Variants in DOCK7 observed in about 807,000 individuals in gnomAD.
The protein encoded by DOCK7 is dedicator of cytokinesis 7.
Under a neutral mutation model 271.0 loss-of-function variants are expected in DOCK7, and 138 were observed. The observed-to-expected ratio is 0.51, with a 90% confidence interval of 0.44 to 0.59. DOCK7 has a LOEUF of 0.59. Ranked by LOEUF, DOCK7 falls within the 20% of genes least tolerant of loss-of-function variation. The pLI is 0.00. For synonymous variants in DOCK7, 823 were observed against 876.1 expected (o/e 0.94, Z 1.07); for missense variants, 2,066 against 2,592.4 (o/e 0.80, Z 4.41).
intron 16 of DOCK7, 80 bp from the exon 17 acceptor site, chr1:62,579,046 T>A (rs1273995281): frequency 3.7e-5 from 47 of 1,276,472 alleles, no homozygotes; most frequent in Middle Eastern, 5.9e-4. Context: ...TGAATAATTT[T>A]AAAATTTTAA....
chr1:62,489,088 G>A, intron 41 of DOCK7, 23 bp from the exon 42 acceptor site: 2 of 1,541,956 alleles, frequency 1.3e-6, no homozygotes, highest in Non-Finnish European at 8.7e-7. Context: ...ATTTTGTTAA[G>A]ATGTTGCTTT....
chr1:62,647,780 C>A lies in DOCK7; in HGVS notation c.733-4G>T. 6.3e-7 allele frequency: 1 copy of A among 1,595,680 alleles called. No homozygotes were observed. The highest frequency in any genetic ancestry group is 2.2e-5 in the East Asian group (1 of 44,616). ...TAAGCCGTTCTATTGGTTCTTCCTA[C>A]AAATTGAAAAGCAACACCAAAATGA... is the stretch of plus-strand genomic sequence containing the variant. On this transcript the variant is annotated splice_polypyrimidine_tract_variant and splice_region_variant and intron_variant, in intron 6 of 49. Coordinates refer to ENST00000635253, the MANE Select transcript of DOCK7 (RefSeq NM_001367561.1).
intron 11 of DOCK7, among the ~76,000 whole-genome samples, chr1:62,630,455 C>T (rs74078643): frequency 0.037 from 5,566 of 152,110 alleles, 249 homozygotes; most frequent in African/African-American, 0.11. Context: ...ATAGGGGTCC[C>T]GCACGACAGG....
chr1:62,604,526 A>C, intron 14 of DOCK7: 1 of 1,218,986 alleles, frequency 8.2e-7, no homozygotes, highest in East Asian at 2.4e-5. Context: ...CATGCATCTA[A>C]AACACTGTAA....
At chr1:62,493,549 G>T (rs1646526450) in intron 40 of DOCK7, among the ~76,000 whole-genome samples, 2 of 152,154 alleles carry the variant, frequency 1.3e-5, no homozygotes, top group East Asian at 1.9e-4. Flanking sequence ...AATTATTCTA[G>T]AATTTTAGGA....
chr1:62,509,141 G>T (rs1317625679), intron 34 of DOCK7, among the ~76,000 whole-genome samples: 1 of 151,682 alleles, frequency 6.6e-6, no homozygotes, highest in Admixed American at 6.6e-5. Context: ...GCACAACATG[G>T]CAAAACCCTG....
At chr1:62,664,782 T>TAA (rs10710205) in intron 1 of DOCK7, among the ~76,000 whole-genome samples, 2 of 137,232 alleles carry the variant, frequency 1.5e-5, no homozygotes, top group South Asian at 2.3e-4. Context: ...TCTACTAGTT[T>TAA]AAAAAAAAAA....
chr1:62,632,452 T>C (rs1243157635), intron 10 of DOCK7, among the ~76,000 whole-genome samples: 1 of 152,128 alleles, frequency 6.6e-6, no homozygotes, highest in Non-Finnish European at 1.5e-5. Context: ...TGTGCTCAGA[T>C]CTACAGAAAA....
chr1:62,645,741 T>A (rs552669660), intron 7 of DOCK7, among the ~76,000 whole-genome samples: 1 of 152,316 alleles, frequency 6.6e-6, no homozygotes, highest in Admixed American at 6.5e-5. Context: ...TATACCTCAA[T>A]AAAGCTATTT....
chr1:62,576,083 G>C (rs1646934711), intron 18 of DOCK7, among the ~76,000 whole-genome samples: 1 of 152,106 alleles, frequency 6.6e-6, no homozygotes, highest in African/African-American at 2.4e-5. Context: ...AATCTAATAA[G>C]TATATATTGA....
chr1:62,637,737 T>A (rs1424111204), intron 7 of DOCK7, among the ~76,000 whole-genome samples: 9 of 152,110 alleles, frequency 5.9e-5, no homozygotes, highest in African/African-American at 2.2e-4. Context: ...AACTACAGAG[T>A]GCCATTCCCT....
intron 18 of DOCK7, among the ~76,000 whole-genome samples, chr1:62,571,421 T>C (rs1229131100): frequency 6.6e-6 from 1 of 152,150 alleles, no homozygotes; most frequent in Non-Finnish European, 1.5e-5. Flanking sequence ...GGTGAAGCTG[T>C]AGAGAGATAG....
At chr1:62,485,889 A>C (rs1423110049) in intron 43 of DOCK7, 1 of 161,482 alleles carries the variant, frequency 6.2e-6, no homozygotes, top group Non-Finnish European at 1.3e-5. Context: ...AAAGGTAGTG[A>C]CAAGTATATA....
intron 48 of DOCK7, among the ~76,000 whole-genome samples, chr1:62,465,456 T>C (rs993373117): frequency 6.8e-6 from 1 of 146,878 alleles, no homozygotes; most frequent in Non-Finnish European, 1.5e-5. Context: ...TCTCAAGATA[T>C]ATGAATCCAG....
chr1:62,642,721 TTA>T (rs1346696990), intron 7 of DOCK7, among the ~76,000 whole-genome samples: 7 of 152,186 alleles, frequency 4.6e-5, no homozygotes, highest in African/African-American at 1.7e-4. Flanking sequence ...AGGTTTATCT[TTA>T]TGTTTTTCAA....
At chr1:62,586,676 T>C (rs1454021048) in intron 14 of DOCK7, 52 bp from the exon 15 acceptor site, 5 of 1,040,312 alleles carry the variant, frequency 4.8e-6, no homozygotes, top group Admixed American at 2.5e-5. Flanking sequence ...AGAAACACTA[T>C]GTATCACTCA....
chr1:62,561,710 G>T lies in DOCK7; in HGVS notation c.2113-7C>A. 1 of 1,516,378 alleles carries T rather than the reference G, an allele frequency of 6.6e-7. No individual in the cohort carries two copies. Among genetic ancestry groups the T allele is most frequent in the Non-Finnish European group, 8.8e-7 (1 of 1,135,478 alleles). The allele number at this position is 1,516,378 out of a possible 1,614,324, so 93.9% of individuals were successfully genotyped here. On this transcript the variant is annotated splice_polypyrimidine_tract_variant and splice_region_variant and intron_variant, in intron 18 of 49. Coordinates refer to ENST00000635253, the MANE Select transcript of DOCK7 (RefSeq NM_001367561.1). ...TCATGCCAGGTAGAGGAACCTGTAA[G>T]ATATTAAATATAATGATCACAGATG...
chr1:62,633,621 T>G lies in DOCK7; in HGVS notation c.1036-43A>C, dbSNP rs768642212. On this transcript the variant is annotated intron_variant, in intron 9 of 49. Transcript: ENST00000635253. ...AGTTAAGATTAAGCTTTTAAAAGCC[T>G]GAAATTCAAGGATGGTTCAATATAC... The G allele has an allele frequency of 1.6e-5, 23 of 1,425,534 alleles. No homozygotes were observed. The East Asian group carries it at 5.0e-4, about 31-fold the overall frequency. The allele number at this position is 1,425,534 out of a possible 1,614,324, so 88.3% of individuals were successfully genotyped here.
chr1:62,671,035 G>A (rs1034228892), intron 1 of DOCK7, among the ~76,000 whole-genome samples: 4 of 151,632 alleles, frequency 2.6e-5, no homozygotes, highest in East Asian at 1.9e-4. Context: ...CTCCAGACGC[G>A]CTGCCTTAAG....
Sources: allele counts gnomAD v4.1 joint callset (sites outside exome capture counted in the v4.1 genomes callset), GRCh38; gene constraint gnomAD v4.1.1; transcripts MANE v1.5; gene names NCBI Gene and HGNC (gene_info 2026-07-23, HGNC 2026-07-21).